Variants in SHQ1 observed in about 807,000 individuals in gnomAD.
SHQ1 encodes protein SHQ1 homolog.
SHQ1 carries 49 observed loss-of-function variants against 53.8 expected under a neutral mutation model. The ratio of observed to expected loss-of-function variants is 0.91; its 90% CI spans 0.72 to 1.16. The LOEUF is 1.16. Ranked by LOEUF, SHQ1 falls within the 50% of genes most tolerant of loss-of-function variation. The pLI, the probability that SHQ1 is intolerant of heterozygous loss-of-function variation, is 0.00. For missense variants in SHQ1, 738 were observed against 683.1 expected, an observed-to-expected ratio of 1.08 and a Z score of -0.90; for synonymous variants, 243 against 251.0, an observed-to-expected ratio of 0.97 and a Z score of 0.30.
intron 10 of SHQ1, chr3:72,753,282 G>T (rs1429435663): frequency 1.0e-6 from 1 of 985,294 alleles, no homozygotes; most frequent in African/African-American, 1.7e-5. Context: ...GAGTTTACAA[G>T]ATAAATTCAT....
chr3:72,819,408 T>C lies in SHQ1; in HGVS notation c.728-2024A>G, dbSNP rs79299272. 3.1e-3 allele frequency among the ~76,000 whole-genome samples: 473 copies of C among 152,332 alleles called. 13 individuals carry two copies. The South Asian group carries it at 0.051, about 17-fold the overall frequency. The stretch of plus-strand genomic sequence containing the variant: ...ACTTTGTTTATGGTACCTTTTGCCA[T>C]TGAAACACTTATTTTTCATGTAGTC... On this transcript the variant is annotated intron_variant, in intron 6 of 10. Transcript: ENST00000325599.
At chr3:72,803,955 C>T (rs1240040331) in intron 9 of SHQ1, among the ~76,000 whole-genome samples, 1 of 152,176 alleles carries the variant, frequency 6.6e-6, no homozygotes, top group Non-Finnish European at 1.5e-5. Flanking sequence ...CTTACCCTGT[C>T]ACCCAAGCTG....
chr3:72,844,237 G>A, intron 2 of SHQ1, 122 bp downstream of exon 2: 1 of 756,612 alleles, frequency 1.3e-6, no homozygotes, highest in Non-Finnish European at 2.2e-6. Flanking sequence ...ACAAGAAAGA[G>A]TGATAGGAAC....
intron 6 of SHQ1, among the ~76,000 whole-genome samples, chr3:72,818,963 C>A (rs1358231887): frequency 2.6e-5 from 4 of 152,098 alleles, no homozygotes; most frequent in Non-Finnish European, 5.9e-5. Flanking sequence ...CCTTGAGCTC[C>A]AGGAAAGAAC....
At chr3:72,809,405 A>T (rs1559682536) in intron 9 of SHQ1, among the ~76,000 whole-genome samples, 1 of 152,126 alleles carries the variant, frequency 6.6e-6, no homozygotes, top group East Asian at 1.9e-4. Context: ...CAAATATATG[A>T]TATGATATAT....
At position 72,751,004 on chromosome 3, in the gene SHQ1, A is replaced by C. The variant is rs77667497; in HGVS notation, c.1182-168T>G. On this transcript the variant is annotated intron_variant, in intron 10 of 10. Coordinates refer to ENST00000325599, the MANE Select transcript of SHQ1 (RefSeq NM_018130.3). The stretch of plus-strand genomic sequence containing the variant: ...TTTATGTAAAAAATGAAGCTATTAA[A>C]AGTATTACAGGGAAACACAGATTTC... Among the ~76,000 whole-genome samples the C allele has an allele frequency of 8.8e-3, 1,346 of 152,360 alleles. 24 individuals carry two copies. Among genetic ancestry groups the C allele is most frequent in the African/African-American group, 0.031 (1,293 of 41,588 alleles).
intron 5 of SHQ1, among the ~76,000 whole-genome samples, chr3:72,831,309 T>C (rs778277478): frequency 1.3e-5 from 2 of 152,206 alleles, no homozygotes; most frequent in Non-Finnish European, 2.9e-5. Flanking sequence ...TCCTACTGTG[T>C]CACAGGAGAT....
chr3:72,767,849 G>GCATTTA (rs1033505345), intron 10 of SHQ1, among the ~76,000 whole-genome samples: 2 of 152,220 alleles, frequency 1.3e-5, no homozygotes, highest in African/African-American at 4.8e-5. Context: ...TGGCTGCCTA[G>GCATTTA]CATTTCATGT....
At chr3:72,736,483 A>G in the SHQ1 span, among the ~76,000 whole-genome samples, 1 of 151,104 alleles carries the variant, frequency 6.6e-6, no homozygotes, top group African/African-American at 2.5e-5. Flanking sequence ...ATCATTAAAA[A>G]TTTTTTTAAA....
the SHQ1 span, among the ~76,000 whole-genome samples, chr3:72,741,934 T>C: frequency 6.6e-6 from 1 of 152,188 alleles, no homozygotes; most frequent in Admixed American, 6.5e-5. Flanking sequence ...TACAAGAGAA[T>C]GGAGGTAGGT....
intron 4 of SHQ1, among the ~76,000 whole-genome samples, chr3:72,836,217 T>C (rs1014101021): frequency 1.3e-5 from 2 of 152,270 alleles, no homozygotes; most frequent in Middle Eastern, 3.4e-3. Context: ...TGGACAGGCA[T>C]TGTGGCTCAC....
chr3:72,811,807 C>T (rs1389913838), intron 9 of SHQ1, among the ~76,000 whole-genome samples: 1 of 152,162 alleles, frequency 6.6e-6, no homozygotes, highest in Non-Finnish European at 1.5e-5. Flanking sequence ...GAAGAACTTC[C>T]TTTCTTTCCC....
intron 10 of SHQ1, among the ~76,000 whole-genome samples, chr3:72,791,888 G>A (rs1438676387): frequency 6.6e-6 from 1 of 152,084 alleles, no homozygotes; most frequent in African/African-American, 2.4e-5. Context: ...TCTTGCTACT[G>A]AAATGGAATT....
At chr3:72,810,102 G>A (rs1482479550) in intron 9 of SHQ1, 1 of 152,068 alleles carries the variant, frequency 6.6e-6, no homozygotes, top group Admixed American at 6.5e-5. Context: ...CAAAAAGAAT[G>A]GAACAGAGGC....
At position 72,832,452 on chromosome 3, in the gene SHQ1, C is replaced by T. The variant is rs765986594; in HGVS notation, c.516G>A (p.Lys172=). The change falls in exon 5 of 11, where the codon AAG becomes AAA. Residue 172 remains lysine (K), a synonymous_variant. Coordinates refer to ENST00000325599, the MANE Select transcript of SHQ1 (RefSeq NM_018130.3). The stretch of plus-strand genomic sequence containing the variant: ...CAGCTGCAGGGGTGAAATCTGGATC[C>T]TTAATATCAATAACATCACTCAGTT... ...QDELSDVIDI[K]DPDFTPAAER... 4.3e-6 allele frequency: 7 copies of T among 1,612,534 alleles called. No homozygotes were observed. The Admixed American group carries it at 1.0e-4, about 23-fold the overall frequency.
chr3:72,778,242 T>C (rs62251656), intron 10 of SHQ1, among the ~76,000 whole-genome samples: 38,766 of 151,916 alleles, frequency 0.26, 5,311 homozygotes, highest in African/African-American at 0.33. Context: ...GGGAGGATCA[T>C]TTGAGCCCAG....
intron 10 of SHQ1, among the ~76,000 whole-genome samples, chr3:72,789,138 A>G (rs1214039168): frequency 6.6e-6 from 1 of 152,110 alleles, no homozygotes; most frequent in Admixed American, 6.5e-5. Context: ...ATGCATTGGG[A>G]AACAAATACA....
downstream of SHQ1, among the ~76,000 whole-genome samples, chr3:72,747,255 G>C (rs560982349): frequency 6.6e-6 from 1 of 152,250 alleles, no homozygotes; most frequent in Admixed American, 6.5e-5. Context: ...GTGTTAACAA[G>C]ACCCTACCTC....
intron 5 of SHQ1, among the ~76,000 whole-genome samples, chr3:72,830,348 A>C (rs370147333): frequency 1.3e-5 from 2 of 152,046 alleles, no homozygotes; most frequent in South Asian, 2.1e-4. Flanking sequence ...AACAACTTAC[A>C]AATAGGTAAT....
Sources: allele counts gnomAD v4.1 joint callset (sites outside exome capture counted in the v4.1 genomes callset), GRCh38; gene constraint gnomAD v4.1.1; transcripts MANE v1.5; gene names NCBI Gene and HGNC (gene_info 2026-07-23, HGNC 2026-07-21).